Variants in AFG3L2 observed in about 807,000 individuals in gnomAD.
AFG3L2 encodes the protein AFG3 like matrix AAA peptidase subunit 2.
In AFG3L2, 54 loss-of-function variants were observed where a neutral mutation model predicts 94.5. The observed-to-expected ratio is 0.57, with a 90% CI of 0.46 to 0.72. AFG3L2 has a LOEUF of 0.72. Ranked by LOEUF, AFG3L2 falls within the 30% of genes least tolerant of loss-of-function variation. The probability of loss-of-function intolerance (pLI) is 0.00; values close to 1 mark genes in which losing one functional copy is unlikely to be tolerated. For missense variants in AFG3L2, 754 were observed against 994.9 expected, an observed-to-expected ratio of 0.76 and a Z score of 3.26; for synonymous variants, 377 against 365.5, an observed-to-expected ratio of 1.03 and a Z score of -0.36.
At chr18:12,369,903 A>G (rs1171176034) in intron 3 of AFG3L2, among the ~76,000 whole-genome samples, 11 of 150,528 alleles carry the variant, frequency 7.3e-5, no homozygotes, top group African/African-American at 2.4e-4. Context: ...AAAAATACAA[A>G]AAAAAAAAAA....
At chr18:12,330,673 G>A (rs1907493482) in intron 16 of AFG3L2, among the ~76,000 whole-genome samples, 1 of 151,962 alleles carries the variant, frequency 6.6e-6, no homozygotes, top group African/African-American at 2.4e-5. Flanking sequence ...AGCTACTCAG[G>A]AGGCCGAGGC....
chr18:12,346,903 C>CAA (rs35013811), intron 13 of AFG3L2, among the ~76,000 whole-genome samples: 1 of 36,854 alleles, frequency 2.7e-5, no homozygotes, highest in African/African-American at 1.2e-4. Flanking sequence ...GACTCCATCT[C>CAA]AAAAAAAAAA....
intron 16 of AFG3L2, among the ~76,000 whole-genome samples, chr18:12,332,401 A>G (rs1328769506): frequency 1.3e-5 from 2 of 152,106 alleles, no homozygotes; most frequent in African/African-American, 4.8e-5. Context: ...ACCTGGCCAG[A>G]CTTATTTCTT....
chr18:12,367,436 A>G (rs1251203448), intron 3 of AFG3L2, 54 bp from the exon 4 acceptor site: 2 of 1,524,454 alleles, frequency 1.3e-6, no homozygotes, highest in East Asian at 4.5e-5. Flanking sequence ...TAGCTCTCTC[A>G]GCAATGTCTT....
chr18:12,370,857 T>TC lies in AFG3L2; in HGVS notation c.283dup (p.Glu95GlyfsTer30). 6.3e-7 allele frequency: 1 copy of TC among 1,580,822 alleles called. No homozygotes were observed. The highest frequency in any genetic ancestry group is 8.7e-7 in the Non-Finnish European group (1 of 1,152,104). ...ATATTGTCAAAAGGTACCTTTTTTC[T>TC]CTCCCATAACTTCTTTAGGTTCACT... On this transcript the variant is annotated frameshift_variant, in exon 3 of 17. Coordinates refer to ENST00000269143, the MANE Select transcript of AFG3L2 (RefSeq NM_006796.3). LOFTEE classifies it high-confidence loss of function.
intron 15 of AFG3L2, 108 bp from the exon 16 acceptor site, chr18:12,337,643 C>CCAGCAGCAG: frequency 3.1e-6 from 3 of 953,618 alleles, no homozygotes; most frequent in East Asian, 2.5e-5. Flanking sequence ...CTCTGTGTAG[C>CCAGCAGCAG]CAGCAGCAGC....
chr18:12,338,272 C>A (rs12965349), intron 15 of AFG3L2, among the ~76,000 whole-genome samples: 150,089 of 152,298 alleles, frequency 0.99, 73,988 homozygotes, highest in East Asian at 1. Context: ...AGTAGAGAAG[C>A]AGCAAGAAGC....
intron 12 of AFG3L2, 152 bp from the exon 13 acceptor site, chr18:12,348,535 T>C: frequency 1.4e-6 from 1 of 702,444 alleles, no homozygotes. Flanking sequence ...TGACTCATGA[T>C]AACCCTAAGC....
Position 12,353,155 on chromosome 18 carries a change from G to C in AFG3L2, c.1168C>G (p.Arg390Gly). The C allele has an allele frequency of 2.5e-6, 4 of 1,613,846 alleles. No homozygotes were observed. Among genetic ancestry groups the C allele is most frequent in the South Asian group, 1.1e-5 (1 of 91,066 alleles). The change falls in exon 10 of 17, where the codon CGA becomes GGA. Residue 390 changes from arginine (R) to glycine (G), a missense_variant. Physicochemically the swap from Arg to Gly is moderately radical, Grantham distance 125. Coordinates refer to ENST00000269143, the MANE Select transcript of AFG3L2 (RefSeq NM_006796.3). ...MFVGVGPARV[R>G]DLFALARKNA... is the part of the protein sequence containing the mutation. Reference sequence around the variant, plus strand: ...TTCCGAGCAAGGGCAAATAAGTCTCGGACCTTGGCAAAAACAGAAAGAGAG... The same window carrying C: ...TTCCGAGCAAGGGCAAATAAGTCTCCGACCTTGGCAAAAACAGAAAGAGAG...
rs551371844 is a variant in AFG3L2, at chr18:12,329,275, G to A, written c.*290C>T. On this transcript the variant is annotated 3_prime_UTR_variant, in exon 17 of 17. Transcript: ENST00000269143. ...ACACGGTCAGCCGACCCCACTTGGT[G>A]CCACAGGGTCCAGCCTCGGCCACTC... 4.3e-6 allele frequency: 3 copies of A among 700,168 alleles called. No homozygotes were observed. Among genetic ancestry groups the A allele is most frequent in the Admixed American group, 4.0e-5 (2 of 49,874 alleles). The allele number at this position is 700,168 out of a possible 1,614,324, so 43.4% of individuals were successfully genotyped here.
intron 16 of AFG3L2, among the ~76,000 whole-genome samples, chr18:12,330,632 G>C (rs1000729608): frequency 3.3e-5 from 5 of 152,054 alleles, no homozygotes; most frequent in Non-Finnish European, 7.4e-5. Flanking sequence ...ACAAAAATTA[G>C]CCAGGCGCAG....
chr18:12,340,536 T>C, intron 14 of AFG3L2, 135 bp from the exon 15 acceptor site: 1 of 763,980 alleles, frequency 1.3e-6, no homozygotes, highest in South Asian at 1.4e-5. Context: ...TAGTGGGATG[T>C]GATCTAGCAG....
At chr18:12,336,712 T>C (rs960492842) in intron 16 of AFG3L2, among the ~76,000 whole-genome samples, 2 of 152,244 alleles carry the variant, frequency 1.3e-5, no homozygotes, top group African/African-American at 2.4e-5. Flanking sequence ...CATTACAGTA[T>C]AGAATATTCA....
chr18:12,352,255 A>G (rs984708916), intron 10 of AFG3L2, among the ~76,000 whole-genome samples: 1 of 152,174 alleles, frequency 6.6e-6, no homozygotes, highest in Admixed American at 6.5e-5. Context: ...TGGTGCTCCA[A>G]TGTGAACGCA....
In AFG3L2 at chr18:12,377,109, G is replaced by T; in HGVS notation, c.-27C>A. 7.3e-7 allele frequency: 1 copy of T among 1,374,454 alleles called. No homozygotes were observed. The highest frequency in any genetic ancestry group is 1.5e-5 in the South Asian group (1 of 67,278). 85.1% of individuals were successfully genotyped at this position (1,374,454 alleles called of 1,614,324 possible). On this transcript the variant is annotated 5_prime_UTR_variant, in exon 1 of 17. Coordinates refer to ENST00000269143, the MANE Select transcript of AFG3L2 (RefSeq NM_006796.3). ...GCCGCCGCCGTGGCCCTCTCGGCCC[G>T]GGACGCTGCGCAGGCGCGGGCAGGC...
intron 3 of AFG3L2, 69 bp downstream of exon 3, chr18:12,370,780 A>G: frequency 9.5e-7 from 1 of 1,047,388 alleles, no homozygotes. Flanking sequence ...TTCTTTGTTC[A>G]GTGGAAACTA....
intron 3 of AFG3L2, among the ~76,000 whole-genome samples, chr18:12,368,848 G>A (rs928691100): frequency 3.3e-5 from 5 of 152,058 alleles, no homozygotes; most frequent in African/African-American, 1.2e-4. Flanking sequence ...TGATGCACCC[G>A]TTTCGGCCTC....
chr18:12,373,474 C>G (rs1032719934), intron 1 of AFG3L2, among the ~76,000 whole-genome samples: 4 of 152,010 alleles, frequency 2.6e-5, no homozygotes, highest in African/African-American at 9.7e-5. Flanking sequence ...AACAATGTAA[C>G]CAAACAAAAG....
intron 13 of AFG3L2, among the ~76,000 whole-genome samples, chr18:12,345,732 A>C (rs1468303119): frequency 6.6e-6 from 1 of 152,068 alleles, no homozygotes; most frequent in African/African-American, 2.4e-5. Context: ...GCCCTCTCTG[A>C]TCACTTCTCC....
Sources: allele counts gnomAD v4.1 joint callset (sites outside exome capture counted in the v4.1 genomes callset), GRCh38; gene constraint gnomAD v4.1.1; transcripts MANE v1.5; gene names NCBI Gene and HGNC (gene_info 2026-07-23, HGNC 2026-07-21).